TTC23: variants seen among roughly 807,000 people sequenced by gnomAD.
TTC23 encodes the protein tetratricopeptide repeat protein 23.
Under a neutral mutation model 55.1 loss-of-function variants are expected in TTC23, and 58 were observed. That is an observed-to-expected ratio of 1.05 (90% CI 0.85 to 1.31). The LOEUF (loss-of-function observed/expected upper bound fraction) is 1.31, where lower values mean the gene tolerates loss of function less well. TTC23 is among the 50% of genes most tolerant of loss of function. The pLI is 0.00. For synonymous variants in TTC23, 203 were observed against 199.9 expected, an observed-to-expected ratio of 1.02 and a Z score of -0.13; for missense variants, 516 against 534.4, an observed-to-expected ratio of 0.97 and a Z score of 0.34.
At chr15:99,171,544 C>T (rs897559540) in intron 10 of TTC23, among the ~76,000 whole-genome samples, 1 of 150,348 alleles carries the variant, frequency 6.7e-6, no homozygotes. Flanking sequence ...CTTGCTTGCT[C>T]CTGAGTCTCT....
At chr15:99,139,631 T>G (rs1435051448) in intron 12 of TTC23, 4 of 1,502,496 alleles carry the variant, frequency 2.7e-6, no homozygotes, top group Non-Finnish European at 3.6e-6. Context: ...TGTGACTATC[T>G]GTATGCAAAA....
upstream of TTC23, among the ~76,000 whole-genome samples, chr15:99,250,686 T>C (rs2080658418): frequency 6.6e-6 from 1 of 152,208 alleles, no homozygotes; most frequent in Non-Finnish European, 1.5e-5. Context: ...CTTGAAGAAA[T>C]ACATATTGAC....
chr15:99,229,768 C>T (rs2078780015), intron 4 of TTC23, among the ~76,000 whole-genome samples: 1 of 152,214 alleles, frequency 6.6e-6, no homozygotes, highest in African/African-American at 2.4e-5. Context: ...CCTGTTCCCA[C>T]CAACCAGACT....
chr15:99,200,909 A>C (rs1270755624), intron 8 of TTC23, among the ~76,000 whole-genome samples: 2 of 152,210 alleles, frequency 1.3e-5, no homozygotes, highest in African/African-American at 4.8e-5. Flanking sequence ...ATTAGTGCTG[A>C]TCCATATTTA....
At chr15:99,192,987 G>A (rs2075369278) in intron 9 of TTC23, among the ~76,000 whole-genome samples, 4 of 152,182 alleles carry the variant, frequency 2.6e-5, no homozygotes, top group Admixed American at 1.3e-4. Context: ...AGATTTGACT[G>A]CCCTGTTGGA....
chr15:99,156,081 G>C, intron 12 of TTC23, 67 bp downstream of exon 12: 1 of 1,602,724 alleles, frequency 6.2e-7, no homozygotes, highest in Non-Finnish European at 8.5e-7. Flanking sequence ...CACCACAAGG[G>C]AGAGAAATTG....
At chr15:99,212,983 T>TC (rs2077164075) in intron 8 of TTC23, among the ~76,000 whole-genome samples, 1 of 31,904 alleles carries the variant, frequency 3.1e-5, no homozygotes, top group Non-Finnish European at 5.4e-5. Context: ...AGACCCTATC[T>TC]CAAAAAAAAA....
chr15:99,150,315 T>TA (rs1381507999), intron 12 of TTC23, among the ~76,000 whole-genome samples: 53 of 151,862 alleles, frequency 3.5e-4, no homozygotes, highest in Middle Eastern at 3.2e-3. Context: ...CATAGTGATT[T>TA]AAAAAAAAAT....
At chr15:99,235,539 T>G (rs1198194407) in intron 3 of TTC23, among the ~76,000 whole-genome samples, 1 of 151,850 alleles carries the variant, frequency 6.6e-6, no homozygotes, top group Non-Finnish European at 1.5e-5. Context: ...CCCAGCTAAT[T>G]TTTTTGTATT....
intron 8 of TTC23, among the ~76,000 whole-genome samples, chr15:99,214,054 T>G (rs183329929): frequency 6.6e-6 from 1 of 152,322 alleles, no homozygotes; most frequent in East Asian, 1.9e-4. Flanking sequence ...CTTCCAAATG[T>G]TTGCTATTAG....
intron 9 of TTC23, among the ~76,000 whole-genome samples, chr15:99,179,716 C>G (rs1447722845): frequency 6.6e-6 from 1 of 152,164 alleles, no homozygotes; most frequent in Non-Finnish European, 1.5e-5. Flanking sequence ...CAGGAAAGAG[C>G]AGAACAGCCG....
At chr15:99,159,945 G>A (rs1232672427) in intron 11 of TTC23, 1 of 152,920 alleles carries the variant, frequency 6.5e-6, no homozygotes, top group Middle Eastern at 3.1e-3. Flanking sequence ...ATCTATTTTG[G>A]AGGAAAAAAT....
chr15:99,206,340 T>C (rs1036190643), intron 8 of TTC23, among the ~76,000 whole-genome samples: 6 of 152,182 alleles, frequency 3.9e-5, no homozygotes. Context: ...AGTTTGGATA[T>C]ACTGCTTCCT....
At chr15:99,236,464 T>C (rs2079324379) in intron 3 of TTC23, among the ~76,000 whole-genome samples, 1 of 151,432 alleles carries the variant, frequency 6.6e-6, no homozygotes. Context: ...AGTCCTTTTC[T>C]CACTTTTTTT....
chr15:99,182,069 G>C (rs1792560669), intron 9 of TTC23, among the ~76,000 whole-genome samples: 1 of 152,098 alleles, frequency 6.6e-6, no homozygotes, highest in African/African-American at 2.4e-5. Flanking sequence ...AATGATAAGA[G>C]TATTACCTGC....
intron 8 of TTC23, among the ~76,000 whole-genome samples, chr15:99,205,999 A>G (rs1335069897): frequency 6.6e-6 from 1 of 152,068 alleles, no homozygotes; most frequent in African/African-American, 2.4e-5. Flanking sequence ...AAGTTAAGTA[A>G]GTTCCTTTAA....
chr15:99,215,510 C>T lies in TTC23; in HGVS notation c.581+3078G>A, dbSNP rs192836894. ...CTGTAATCCCAGCATTTTGGGAGGCCAAGGTGGGTGGACTGCTTGAGCCCA... is the reference window on the plus strand; with the variant it reads ...CTGTAATCCCAGCATTTTGGGAGGCTAAGGTGGGTGGACTGCTTGAGCCCA... On this transcript the variant is annotated intron_variant, in intron 8 of 13. Coordinates refer to ENST00000394132, the MANE Select transcript of TTC23 (RefSeq NM_001288615.3). 1.2e-3 allele frequency among the ~76,000 whole-genome samples: 180 copies of T among 152,156 alleles called. 2 individuals are homozygous for T. Among genetic ancestry groups the T allele is most frequent in the Admixed American group, 4.2e-3 (64 of 15,286 alleles).
At chr15:99,245,994 G>C (rs1265376733) in intron 1 of TTC23, among the ~76,000 whole-genome samples, 2 of 151,934 alleles carry the variant, frequency 1.3e-5, no homozygotes, top group African/African-American at 2.4e-5. Flanking sequence ...AATTTTAGTA[G>C]AGACGGGGTT....
chr15:99,225,833 A>G (rs2078356549), intron 5 of TTC23, among the ~76,000 whole-genome samples: 2 of 152,220 alleles, frequency 1.3e-5, no homozygotes, highest in Admixed American at 6.5e-5. Flanking sequence ...AAAAATGGCA[A>G]TTCTGCAGTA....
Sources: allele counts gnomAD v4.1 joint callset (sites outside exome capture counted in the v4.1 genomes callset), GRCh38; gene constraint gnomAD v4.1.1; transcripts MANE v1.5; gene names NCBI Gene and HGNC (gene_info 2026-07-23, HGNC 2026-07-21).